The following LRRTM4 variants were observed in gnomAD, a reference collection of about 807,000 sequenced individuals.
The protein encoded by LRRTM4 is leucine-rich repeat transmembrane neuronal protein 4.
Under a neutral mutation model 47.6 loss-of-function variants are expected in LRRTM4, and 25 were observed. The observed-to-expected ratio is 0.53, with a 90% CI of 0.38 to 0.73. The LOEUF (loss-of-function observed/expected upper bound fraction) is 0.73, where lower values mean the gene tolerates loss of function less well. Ranked by LOEUF, LRRTM4 falls within the 30% of genes least tolerant of loss-of-function variation. The pLI is 0.00. For synonymous variants in LRRTM4, 311 were observed against 269.5 expected (o/e 1.15, Z -1.51); for missense variants, 638 against 713.4 (o/e 0.89, Z 1.20).
chr2:77,169,302 A>C (rs1672980219), intron 3 of LRRTM4, among the ~76,000 whole-genome samples: 1 of 152,144 alleles, frequency 6.6e-6, no homozygotes, highest in African/African-American at 2.4e-5. Flanking sequence ...TTGTGAACAT[A>C]ATTATATATA....
chr2:77,312,037 T>C (rs1677470174), intron 3 of LRRTM4, among the ~76,000 whole-genome samples: 2 of 151,882 alleles, frequency 1.3e-5, no homozygotes, highest in African/African-American at 4.8e-5. Context: ...TGTTGATGAG[T>C]TCCCATAGCC....
intron 3 of LRRTM4, among the ~76,000 whole-genome samples, chr2:76,768,688 C>T (rs1673556557): frequency 6.6e-6 from 1 of 152,040 alleles, no homozygotes; most frequent in African/African-American, 2.4e-5. Context: ...AATATATCCT[C>T]AAAAATTAGG....
intron 3 of LRRTM4, among the ~76,000 whole-genome samples, chr2:76,771,508 C>T (rs1673704798): frequency 6.6e-6 from 1 of 152,048 alleles, no homozygotes; most frequent in African/African-American, 2.4e-5. Context: ...CACTGAGCTC[C>T]CACCACTTTT....
intron 3 of LRRTM4, among the ~76,000 whole-genome samples, chr2:76,847,674 A>G (rs1483478317): frequency 6.6e-6 from 1 of 152,056 alleles, no homozygotes; most frequent in Non-Finnish European, 1.5e-5. Flanking sequence ...TTCATTTATA[A>G]TGATATTCCA....
intron 3 of LRRTM4, among the ~76,000 whole-genome samples, chr2:76,952,890 A>C (rs915725110): frequency 6.6e-6 from 1 of 151,966 alleles, no homozygotes; most frequent in Non-Finnish European, 1.5e-5. Flanking sequence ...CAGCAGCATA[A>C]ATGGAGCTGG....
intron 3 of LRRTM4, among the ~76,000 whole-genome samples, chr2:77,173,233 T>G (rs1354257250): frequency 1.3e-5 from 2 of 152,184 alleles, no homozygotes; most frequent in African/African-American, 2.4e-5. Context: ...TTTTCTTTGG[T>G]CAGATCATAA....
intron 3 of LRRTM4, among the ~76,000 whole-genome samples, chr2:76,854,742 T>G (rs917159607): frequency 2.0e-5 from 3 of 151,938 alleles, no homozygotes; most frequent in African/African-American, 7.2e-5. Flanking sequence ...TAACTAAACA[T>G]CTACTATATG....
intron 3 of LRRTM4, among the ~76,000 whole-genome samples, chr2:77,037,240 A>C (rs1357009532): frequency 6.6e-6 from 1 of 151,750 alleles, no homozygotes; most frequent in African/African-American, 2.4e-5. Context: ...GTTTTCCAAC[A>C]AAGACCAATT....
chr2:77,160,093 T>C lies in LRRTM4; in HGVS notation c.1551+358225A>G, dbSNP rs189158713. Among the ~76,000 whole-genome samples, 3 of 152,300 alleles carry C rather than the reference T, an allele frequency of 2.0e-5. No homozygotes were observed. The East Asian group carries it at 5.8e-4, about 29-fold the overall frequency. The stretch of plus-strand genomic sequence containing the variant: ...TCTCCAAGATGCATATCTTCAAACC[T>C]TTCAGCCCTCACCTTTTTTGCCATG... On this transcript the variant is annotated intron_variant, in intron 3 of 3. Transcript: ENST00000409884.
chr2:76,944,580 T>C (rs1306658463), intron 3 of LRRTM4, among the ~76,000 whole-genome samples: 2 of 152,026 alleles, frequency 1.3e-5, no homozygotes, highest in South Asian at 4.1e-4. Flanking sequence ...CACATAATCA[T>C]GAAGGAGGTA....
intron 3 of LRRTM4, among the ~76,000 whole-genome samples, chr2:77,304,763 C>T (rs1262889541): frequency 6.6e-6 from 1 of 151,966 alleles, no homozygotes; most frequent in Non-Finnish European, 1.5e-5. Context: ...ACTCTTAAAC[C>T]AGGTGAAATT....
intron 3 of LRRTM4, among the ~76,000 whole-genome samples, chr2:77,324,496 C>A (rs1035047378): frequency 1.3e-5 from 2 of 151,924 alleles, no homozygotes; most frequent in African/African-American, 4.8e-5. Flanking sequence ...TTCCCCTAAA[C>A]GCTTTTCTAG....
chr2:77,421,473 C>T (rs1339862484), intron 3 of LRRTM4, among the ~76,000 whole-genome samples: 1 of 151,892 alleles, frequency 6.6e-6, no homozygotes, highest in Non-Finnish European at 1.5e-5. Flanking sequence ...TTCGGGAGGC[C>T]GAGGCGGGCG....
chr2:76,877,804 G>A (rs1219495226), intron 3 of LRRTM4, among the ~76,000 whole-genome samples: 2 of 152,030 alleles, frequency 1.3e-5, no homozygotes, highest in Non-Finnish European at 2.9e-5. Context: ...CTACAGGGAT[G>A]AAAAAGTCAG....
chr2:76,911,957 T>A (rs1428265851), intron 3 of LRRTM4, among the ~76,000 whole-genome samples: 1 of 126,812 alleles, frequency 7.9e-6, no homozygotes, highest in African/African-American at 3.0e-5. Context: ...GGGGACAGAG[T>A]CTCGCTCTGT....
At chr2:77,473,954 C>A (rs552382426) in intron 3 of LRRTM4, among the ~76,000 whole-genome samples, 10 of 152,138 alleles carry the variant, frequency 6.6e-5, no homozygotes, top group African/African-American at 2.4e-4. Flanking sequence ...AGCACGTGTT[C>A]TTTGTCACTT....
chr2:77,260,029 G>A (rs1299253245), intron 3 of LRRTM4, among the ~76,000 whole-genome samples: 1 of 151,946 alleles, frequency 6.6e-6, no homozygotes, highest in Non-Finnish European at 1.5e-5. Flanking sequence ...AGTGTCAGGA[G>A]GTTTTAGATG....
At chr2:77,203,235 C>T (rs1489593898) in intron 3 of LRRTM4, among the ~76,000 whole-genome samples, 1 of 151,868 alleles carries the variant, frequency 6.6e-6, no homozygotes, top group Non-Finnish European at 1.5e-5. Context: ...GCTGACAAGA[C>T]AAAAACAGGT....
chr2:77,450,786 A>T (rs2103950728), intron 3 of LRRTM4, among the ~76,000 whole-genome samples: 1 of 152,266 alleles, frequency 6.6e-6, no homozygotes, highest in Admixed American at 6.5e-5. Context: ...ATAATATTCT[A>T]AATTTTATTT....
Sources: gnomAD v4.1 joint callset for allele counts (sites outside exome capture counted in the v4.1 genomes callset) on GRCh38, gnomAD v4.1.1 for gene constraint, MANE v1.5 for transcripts, NCBI Gene and HGNC (gene_info 2026-07-23, HGNC 2026-07-21) for gene names.